The following MYMX variants were observed in gnomAD, a reference collection of about 807,000 sequenced individuals.
The protein encoded by MYMX is protein myomixer.
chr6:44,213,255 GCA>G (rs1775692422), upstream of MYMX, among the ~76,000 whole-genome samples: 1 of 150,978 alleles, frequency 6.6e-6, no homozygotes, highest in Non-Finnish European at 1.5e-5. Context: ...GCGTGGTGGC[GCA>G]TGCCTGTAGT....
chr6:44,212,407 A>AAAT (rs1775636933), upstream of MYMX, among the ~76,000 whole-genome samples: 1 of 146,352 alleles, frequency 6.8e-6, no homozygotes, highest in Non-Finnish European at 1.5e-5. Flanking sequence ...CCTGTCTCAA[A>AAAT]AAATAAATAA....
At chr6:44,197,512 G>A in the MYMX span, among the ~76,000 whole-genome samples, 2 of 152,242 alleles carry the variant, frequency 1.3e-5, no homozygotes, top group East Asian at 1.9e-4. Context: ...CAGCCTGGGT[G>A]ACAGAGTGAG....
At chr6:44,197,740 C>T in the MYMX span, among the ~76,000 whole-genome samples, 1 of 152,134 alleles carries the variant, frequency 6.6e-6, no homozygotes, top group African/African-American at 2.4e-5. Context: ...CTGTCATTTT[C>T]TTATTGATTA....
At chr6:44,197,134 G>A in the MYMX span, among the ~76,000 whole-genome samples, 1 of 152,032 alleles carries the variant, frequency 6.6e-6, no homozygotes, top group Middle Eastern at 3.2e-3. Context: ...TACACCAGAG[G>A]ATGAGGCAGG....
chr6:44,200,604 C>T, the MYMX span, among the ~76,000 whole-genome samples: 7 of 152,156 alleles, frequency 4.6e-5, no homozygotes, highest in East Asian at 5.8e-4. Context: ...CGTGAGCCAT[C>T]GCGCCTGGCC....
chr6:44,205,988 A>AAC, the MYMX span, among the ~76,000 whole-genome samples: 2 of 143,350 alleles, frequency 1.4e-5, no homozygotes, highest in Non-Finnish European at 3.1e-5. Context: ...TCAAAAAAAA[A>AAC]AAAACAAAAC....
chr6:44,201,817 G>A, the MYMX span, among the ~76,000 whole-genome samples: 1 of 152,180 alleles, frequency 6.6e-6, no homozygotes, highest in African/African-American at 2.4e-5. Flanking sequence ...ATTTTAGGGA[G>A]GGGGACCACC....
At chr6:44,213,247 G>A (rs12179309), upstream of MYMX, among the ~76,000 whole-genome samples, 46,573 of 151,008 alleles carry the variant, frequency 0.31, 7,400 homozygotes, top group South Asian at 0.43. Flanking sequence ...TTAGCTGGGC[G>A]TGGTGGCGCA....
chr6:44,205,686 G>A, the MYMX span, among the ~76,000 whole-genome samples: 2 of 151,896 alleles, frequency 1.3e-5, no homozygotes, highest in Non-Finnish European at 2.9e-5. Context: ...GCGGGCGCCT[G>A]TAATCCCAGC....
the MYMX span, among the ~76,000 whole-genome samples, chr6:44,196,951 TC>T: frequency 6.6e-6 from 1 of 151,496 alleles, no homozygotes; most frequent in African/African-American, 2.4e-5. Context: ...AGAGCAAAAC[TC>T]CGTGTCAAAA....
chr6:44,202,103 C>T, the MYMX span, among the ~76,000 whole-genome samples: 65 of 152,108 alleles, frequency 4.3e-4, no homozygotes, highest in Admixed American at 2.0e-3. Context: ...TCTCGGTGCC[C>T]GTGGGTCTGG....
upstream of MYMX, among the ~76,000 whole-genome samples, chr6:44,213,347 TTG>T (rs1775698069): frequency 1.3e-5 from 2 of 150,658 alleles, no homozygotes; most frequent in African/African-American, 4.9e-5. Flanking sequence ...GATCACGCCA[TTG>T]CACTCCAGCG....
At chr6:44,214,133 C>T (rs1775742330), upstream of MYMX, among the ~76,000 whole-genome samples, 1 of 152,144 alleles carries the variant, frequency 6.6e-6, no homozygotes, top group African/African-American at 2.4e-5. Context: ...TCAGATTCAG[C>T]TCATGTTTTA....
At chr6:44,203,354 G>A in the MYMX span, among the ~76,000 whole-genome samples, 14 of 152,182 alleles carry the variant, frequency 9.2e-5, no homozygotes, top group Admixed American at 6.6e-4. Context: ...ACAGATCTCC[G>A]TCAACTTAGC....
At chr6:44,195,226 C>T in the MYMX span, among the ~76,000 whole-genome samples, 26 of 152,236 alleles carry the variant, frequency 1.7e-4, 1 homozygote, top group South Asian at 1.5e-3. Flanking sequence ...GCCATGTTGG[C>T]TAGGCTGGTC....
At chr6:44,209,017 G>A in the MYMX span, among the ~76,000 whole-genome samples, 1 of 152,250 alleles carries the variant, frequency 6.6e-6, no homozygotes, top group Non-Finnish European at 1.5e-5. Context: ...AGGCAGGAGT[G>A]CAGTGGCATG....
the MYMX span, among the ~76,000 whole-genome samples, chr6:44,206,958 T>C: frequency 6.6e-6 from 1 of 152,170 alleles, no homozygotes; most frequent in Non-Finnish European, 1.5e-5. Flanking sequence ...TCCCAGTCTA[T>C]AAGGGGCCTA....
chr6:44,214,648 C>T (rs957505865), upstream of MYMX, among the ~76,000 whole-genome samples: 4 of 152,326 alleles, frequency 2.6e-5, 1 homozygote, highest in Non-Finnish European at 2.9e-5. Context: ...TCTCGGCTCA[C>T]GGCCACCTCT....
chr6:44,211,518 G>C, the MYMX span, among the ~76,000 whole-genome samples: 1 of 152,122 alleles, frequency 6.6e-6, no homozygotes, highest in South Asian at 2.1e-4. Context: ...AGCTAGATAG[G>C]AGAAATAATT....
Sources: allele counts gnomAD v4.1 joint callset (sites outside exome capture counted in the v4.1 genomes callset), GRCh38; gene constraint gnomAD v4.1.1; transcripts MANE v1.5; gene names NCBI Gene and HGNC (gene_info 2026-07-23, HGNC 2026-07-21).